Variants in GFOD1 observed in about 807,000 individuals in gnomAD.
GFOD1 encodes the protein glucose-fructose oxidoreductase domain-containing protein 1.
Under a neutral mutation model 25.4 loss-of-function variants are expected in GFOD1, and 9 were observed. The ratio of observed to expected loss-of-function variants is 0.35; its 90% CI spans 0.21 to 0.62. The LOEUF is 0.62. GFOD1 is among the 20% of genes least tolerant of loss of function. GFOD1 has a pLI of 0.72. For missense variants in GFOD1, 403 were observed against 556.9 expected, an observed-to-expected ratio of 0.72 and a Z score of 2.78; for synonymous variants, 253 against 245.6, an observed-to-expected ratio of 1.03 and a Z score of -0.28.
At chr6:13,426,712 C>T (rs1419158537) in intron 1 of GFOD1, among the ~76,000 whole-genome samples, 1 of 152,190 alleles carries the variant, frequency 6.6e-6, no homozygotes. Flanking sequence ...CATCGCAAGG[C>T]AACCCCTGAG....
At position 13,364,575 on chromosome 6, in the gene GFOD1, G is replaced by A; in HGVS notation, c.*168C>T. 3.2e-6 allele frequency: 2 copies of A among 622,224 alleles called. No individual in the cohort carries two copies. Among genetic ancestry groups the A allele is most frequent in the East Asian group, 2.8e-5 (1 of 36,188 alleles). 38.5% of individuals were successfully genotyped at this position (622,224 alleles called of 1,614,324 possible). On this transcript the variant is annotated 3_prime_UTR_variant, in exon 2 of 2. Transcript: ENST00000379287. The surrounding 1 kb of genome is among the most constrained non-coding windows in gnomAD (Gnocchi z 4.1). ...CTCAGCCCACCAACAGTCTGGTTTG[G>A]GGTCGGTCACCGGGATTGGAGTTTA...
chr6:13,486,463 G>C (rs1758872966), intron 1 of GFOD1, 175 bp downstream of exon 1: 2 of 641,320 alleles, frequency 3.1e-6, no homozygotes, highest in Non-Finnish European at 2.7e-6. Context: ...GGTGGGGAAG[G>C]CCGGGGACGA....
intron 1 of GFOD1, among the ~76,000 whole-genome samples, chr6:13,373,062 T>G (rs913686104): frequency 1.3e-5 from 2 of 152,244 alleles, no homozygotes; most frequent in African/African-American, 4.8e-5. Flanking sequence ...TATCTTCATT[T>G]ATACTTTGTT....
chr6:13,378,733 C>T (rs1053694819), intron 1 of GFOD1, among the ~76,000 whole-genome samples: 12 of 152,186 alleles, frequency 7.9e-5, no homozygotes, highest in Non-Finnish European at 1.5e-5. Flanking sequence ...CTTCCATGAA[C>T]CTAGGTGCCA....
intron 1 of GFOD1, among the ~76,000 whole-genome samples, chr6:13,411,249 C>T (rs1018566145): frequency 1.3e-5 from 2 of 152,114 alleles, no homozygotes; most frequent in Non-Finnish European, 2.9e-5. Context: ...GGGCCTGCCT[C>T]CTTCATTACC....
intron 1 of GFOD1, among the ~76,000 whole-genome samples, chr6:13,427,205 T>C (rs918782989): frequency 6.6e-6 from 1 of 152,206 alleles, no homozygotes; most frequent in Non-Finnish European, 1.5e-5. Flanking sequence ...CTGAAGGCCA[T>C]GCATAACTTG....
intron 1 of GFOD1, among the ~76,000 whole-genome samples, chr6:13,389,912 A>C (rs543437847): frequency 4.0e-4 from 61 of 152,036 alleles, no homozygotes; most frequent in Admixed American, 1.1e-3. Flanking sequence ...ACCATGATTT[A>C]CCTCACCAAA....
At chr6:13,446,812 C>T (rs1312733990) in intron 1 of GFOD1, among the ~76,000 whole-genome samples, 1 of 152,194 alleles carries the variant, frequency 6.6e-6, no homozygotes, top group Non-Finnish European at 1.5e-5. Context: ...ATCAGAAGCA[C>T]ATATTTGAGC....
Position 13,460,830 on chromosome 6 carries a change from C to T in GFOD1, c.253+25808G>A, listed in dbSNP as rs115318231. Among the ~76,000 whole-genome samples, 269 of 152,266 alleles carry T rather than the reference C, an allele frequency of 1.8e-3. 3 individuals are homozygous for T. Among genetic ancestry groups the T allele is most frequent in the Non-Finnish European group, 2.7e-3 (182 of 68,020 alleles). On this transcript the variant is annotated intron_variant, in intron 1 of 1. Transcript: ENST00000379287. The stretch of plus-strand genomic sequence containing the variant: ...CATGTCCTGCATACGTATTCCAGAA[C>T]TTAAAATAAAATAACATTTTTTTAA...
chr6:13,483,540 T>C (rs943160716), intron 1 of GFOD1, among the ~76,000 whole-genome samples: 12 of 152,044 alleles, frequency 7.9e-5, no homozygotes, highest in South Asian at 2.1e-4. Context: ...CTGGCAGCAG[T>C]GTAGATAGTG....
rs79827324 is a variant in GFOD1 at position 13,455,973 on chromosome 6, G to A, written c.253+30665C>T. ...CTGCTGTTTATTCAGACAAGATTGCGGGGCATGATTTTGCTACAGCAGGCC... is the reference window on the plus strand; with the variant it reads ...CTGCTGTTTATTCAGACAAGATTGCAGGGCATGATTTTGCTACAGCAGGCC... On this transcript the variant is annotated intron_variant, in intron 1 of 1. Transcript: ENST00000379287. Among the ~76,000 whole-genome samples the A allele has an allele frequency of 4.2e-3, 645 of 152,266 alleles. 4 individuals are homozygous for A. The highest frequency in any genetic ancestry group is 0.015 in the African/African-American group (627 of 41,560).
chr6:13,480,001 T>G (rs1482772018), intron 1 of GFOD1, among the ~76,000 whole-genome samples: 2 of 152,334 alleles, frequency 1.3e-5, no homozygotes, highest in African/African-American at 4.8e-5. Flanking sequence ...CAGCCTTATT[T>G]CCGCTGGCGT....
intron 1 of GFOD1, among the ~76,000 whole-genome samples, chr6:13,439,111 G>T (rs1305077006): frequency 5.3e-5 from 8 of 152,160 alleles, no homozygotes; most frequent in African/African-American, 1.9e-4. Context: ...TAGAAGGTTA[G>T]GGGTACATTC....
chr6:13,450,661 AC>A (rs1289066101), intron 1 of GFOD1, among the ~76,000 whole-genome samples: 5 of 152,126 alleles, frequency 3.3e-5, no homozygotes, highest in Admixed American at 6.5e-5. Flanking sequence ...GAAACTCATC[AC>A]CCAGGGACCT....
chr6:13,411,435 G>A (rs1283681499), intron 1 of GFOD1, among the ~76,000 whole-genome samples: 1 of 152,128 alleles, frequency 6.6e-6, no homozygotes, highest in East Asian at 1.9e-4. Context: ...GGGATTACAG[G>A]TGCATGCCAC....
chr6:13,485,385 G>A (rs947464241), intron 1 of GFOD1, among the ~76,000 whole-genome samples: 1 of 152,168 alleles, frequency 6.6e-6, no homozygotes, highest in African/African-American at 2.4e-5. Flanking sequence ...CTGGTTTCTG[G>A]ATGTTGTCTC....
At chr6:13,406,808 G>A (rs1785955264) in intron 1 of GFOD1, among the ~76,000 whole-genome samples, 1 of 152,158 alleles carries the variant, frequency 6.6e-6, no homozygotes, top group African/African-American at 2.4e-5. Flanking sequence ...CTGGTTGGCT[G>A]CCTGTGTTTA....
At chr6:13,410,013 T>TTTC (rs1341708266) in intron 1 of GFOD1, among the ~76,000 whole-genome samples, 1 of 149,358 alleles carries the variant, frequency 6.7e-6, no homozygotes, top group Non-Finnish European at 1.5e-5. Context: ...TAGTTTTTTT[T>TTTC]TTTTTTTTTT....
intron 1 of GFOD1, among the ~76,000 whole-genome samples, chr6:13,399,270 C>T (rs1439018953): frequency 6.6e-6 from 1 of 152,100 alleles, no homozygotes; most frequent in East Asian, 1.9e-4. Context: ...GCCTCGGCCT[C>T]CCAAAGTTCT....
Sources: allele counts gnomAD v4.1 joint callset (sites outside exome capture counted in the v4.1 genomes callset), GRCh38; gene constraint gnomAD v4.1.1; non-coding constraint Gnocchi (gnomAD v3.1); transcripts MANE v1.5; gene names NCBI Gene and HGNC (gene_info 2026-07-23, HGNC 2026-07-21).